The following BTBD18 variants were observed in gnomAD, a reference collection of about 807,000 sequenced individuals.
The protein encoded by BTBD18 is BTB/POZ domain-containing protein 18.
For missense variants in BTBD18, 787 were observed against 846.3 expected (o/e 0.93, Z 0.87); for synonymous variants, 311 against 324.4 (o/e 0.96, Z 0.44).
In BTBD18 at chr11:57,744,911, C is replaced by T; in HGVS notation, c.1362G>A (p.Glu454=). 1 of 1,551,544 alleles carries T rather than the reference C, an allele frequency of 6.4e-7. No individual in the cohort carries two copies. Among genetic ancestry groups the T allele is most frequent in the South Asian group, 1.2e-5 (1 of 84,022 alleles). The change falls in exon 3 of 3, where the codon GAG becomes GAA. Residue 454 remains glutamate, a synonymous_variant. Transcript: ENST00000422652. ...AGTCAATAGCCAACATAGGTTCCTT[C>T]TCTACCAGTTCTGGACTGGACTCAA... ...SEFESSPELV[E]KEPMLAIDCR... is the part of the protein sequence containing the mutation.
intron 2 of BTBD18, 69 bp from the exon 3 acceptor site, chr11:57,746,217 A>G (rs187442467): frequency 1.6e-6 from 2 of 1,241,688 alleles, no homozygotes; most frequent in Admixed American, 5.6e-5. Flanking sequence ...CATAGACATT[A>G]CTACCCAAAT....
rs972419187 is a variant in BTBD18 at position 57,743,854 on chromosome 11, A to T, written c.*280T>A. 5 of 324,198 alleles carry T rather than the reference A, an allele frequency of 1.5e-5. No homozygotes were observed. Among genetic ancestry groups the T allele is most frequent in the Non-Finnish European group, 2.3e-5 (4 of 174,530 alleles). 20.1% of individuals were successfully genotyped at this position (324,198 alleles called of 1,614,324 possible). ...AGAGATCTGGCCTTGGCTGTTACCT[A>T]TGACCCACCAGAATTGGGGAGCACA... On this transcript the variant is annotated 3_prime_UTR_variant, in exon 3 of 3. Coordinates refer to ENST00000422652, the MANE Select transcript of BTBD18 (RefSeq NM_001145101.3).
rs1949168574 is a variant in BTBD18 at position 57,745,321 on chromosome 11, T to C, written c.952A>G (p.Ser318Gly). ...GGGTTTGGGGTGCTCTGCAGAGGAC[T>C]AGCTCTGCCTGGTTTTGGCTTGTCC... is the stretch of plus-strand genomic sequence containing the variant. ...PEDKPKPGRASPLQSTPNPSG... is the reference protein window; with the variant it reads ...PEDKPKPGRAGPLQSTPNPSG... Residue 318 changes from serine to glycine, a missense_variant, in exon 3 of 3, where the codon AGT becomes GGT. By Grantham distance (56) the Ser-to-Gly change is moderately conservative. Coordinates refer to ENST00000422652, the MANE Select transcript of BTBD18 (RefSeq NM_001145101.3). 1.3e-6 allele frequency: 2 copies of C among 1,551,712 alleles called. No homozygotes were observed. The highest frequency in any genetic ancestry group is 1.7e-6 in the Non-Finnish European group (2 of 1,146,966).
chr11:57,750,292 G>A (rs867680498), intron 2 of BTBD18, among the ~76,000 whole-genome samples: 6 of 152,296 alleles, frequency 3.9e-5, no homozygotes, highest in South Asian at 2.1e-4. Context: ...CGGCAGAATC[G>A]CTTGAACGCG....
At position 57,745,785 on chromosome 11, in the gene BTBD18, G is replaced by T; in HGVS notation, c.488C>A (p.Pro163His). ...SARVVTPSHH[P>H]HTPLPTNQTP... ...TTGATTAGTGGGCAGTGGGGTGTGA[G>T]GGTGGTGGCTGGGTGTCACCACTCT... The change falls in exon 3 of 3, where the codon CCT becomes CAT. Residue 163 changes from proline to histidine, a missense_variant. Physicochemically the swap from Pro to His is moderately conservative, Grantham distance 77. Transcript: ENST00000422652. 6.4e-7 allele frequency: 1 copy of T among 1,551,646 alleles called. No individual in the cohort carries two copies. Among genetic ancestry groups the T allele is most frequent in the Non-Finnish European group, 8.7e-7 (1 of 1,146,990 alleles).
intron 2 of BTBD18, among the ~76,000 whole-genome samples, chr11:57,746,805 C>CAAAAAA (rs35274578): frequency 1.0e-5 from 1 of 95,510 alleles, no homozygotes; most frequent in Non-Finnish European, 2.0e-5. Context: ...ACCTTGTCTC[C>CAAAAAA]AAAAAAAAAA....
rs955459777 is a variant in BTBD18 at position 57,744,982 on chromosome 11, C to A, written c.1291G>T (p.Val431Phe). ...PMCTKLQDIL[V>F]SASHSPDHPV... ...TGGTCTGGGGAGTGGCTAGCAGAGA[C>A]CAGAATGTCTTGTAGCTTAGTGCAC... is the stretch of plus-strand genomic sequence containing the variant. Residue 431 changes from valine to phenylalanine, a missense_variant, in exon 3 of 3, where the codon GTC (valine) becomes TTC (phenylalanine). Coordinates refer to ENST00000422652, the MANE Select transcript of BTBD18 (RefSeq NM_001145101.3). The A allele has an allele frequency of 6.4e-6, 10 of 1,551,644 alleles. No individual in the cohort carries two copies. In the East Asian group the frequency reaches 1.2e-4, roughly 19 times the overall value.
At position 57,743,862 on chromosome 11, in the gene BTBD18, C is replaced by G. The variant is rs969326263; in HGVS notation, c.*272G>C. The G allele has an allele frequency of 1.2e-5, 4 of 335,832 alleles. No homozygotes were observed. The highest frequency in any genetic ancestry group is 4.4e-5 in the Admixed American group (1 of 22,688). The allele number at this position is 335,832 out of a possible 1,614,324, so 20.8% of individuals were successfully genotyped here. On this transcript the variant is annotated 3_prime_UTR_variant, in exon 3 of 3. Transcript: ENST00000422652. ...GGCCTTGGCTGTTACCTATGACCCACCAGAATTGGGGAGCACACAGTTTGT... is the reference window on the plus strand; with the variant it reads ...GGCCTTGGCTGTTACCTATGACCCAGCAGAATTGGGGAGCACACAGTTTGT...
chr11:57,746,662 C>A (rs1009394572), intron 2 of BTBD18, among the ~76,000 whole-genome samples: 1 of 152,042 alleles, frequency 6.6e-6, no homozygotes, highest in Non-Finnish European at 1.5e-5. Flanking sequence ...CTACCTTTGT[C>A]ATCACTTCCT....
In BTBD18 at chr11:57,746,077, C is replaced by T. The variant is rs912431228; in HGVS notation, c.196G>A (p.Glu66Lys). The T allele has an allele frequency of 6.4e-6, 10 of 1,551,474 alleles. 1 individual carries two copies. In the East Asian group the frequency reaches 7.3e-5, roughly 11 times the overall value. ...ACCTTCCCACCCTGAGCTGGCCTCT[C>T]CCGCTCCAGGCGCTCTGTGAAGAAG... ...SPFFTERLER[E>K]RPAQGGKVVL... Residue 66 changes from glutamate (E) to lysine (K), a missense_variant, in exon 3 of 3, where the codon GAG becomes AAG. Glu to Lys is a moderately conservative substitution (Grantham distance 56). Transcript: ENST00000422652.
chr11:57,746,137 G>C lies in BTBD18; in HGVS notation c.136C>G (p.Pro46Ala), dbSNP rs1201972326. ...VLLQAEGEAVPAHCCILSACS... is the reference protein window; with the variant it reads ...VLLQAEGEAVAAHCCILSACS... Reference sequence around the variant, plus strand: ...GCTGACAGGATGCAGCAGTGAGCTGGAACTGCCTCACCTGAAGGGAAACCC... The same window carrying C: ...GCTGACAGGATGCAGCAGTGAGCTGCAACTGCCTCACCTGAAGGGAAACCC... Residue 46 changes from proline to alanine, a missense_variant, in exon 3 of 3, where the codon CCA becomes GCA. By Grantham distance (27) the Pro-to-Ala change is conservative (BLOSUM62 -1). Coordinates refer to ENST00000422652, the MANE Select transcript of BTBD18 (RefSeq NM_001145101.3). 1 of 1,545,502 alleles carries C rather than the reference G, an allele frequency of 6.5e-7. No individual in the cohort carries two copies. Among genetic ancestry groups the C allele is most frequent in the Admixed American group, 2.0e-5 (1 of 49,944 alleles).
At position 57,744,011 on chromosome 11, in the gene BTBD18, CAA is replaced by C; in HGVS notation, c.*121_*122del. ...CTTAGGGAAGGGAGGAAGGGACCTA[CAA>C]AGAGCCAGGGTACACCTGCCTCTTG... On this transcript the variant is annotated 3_prime_UTR_variant, in exon 3 of 3. Transcript: ENST00000422652. The C allele has an allele frequency of 1.5e-6, 1 of 682,760 alleles. No individual in the cohort carries two copies. Among genetic ancestry groups the C allele is most frequent in the Non-Finnish European group, 2.4e-6 (1 of 409,832 alleles). The allele number at this position is 682,760 out of a possible 1,614,324, so 42.3% of individuals were successfully genotyped here. A position where few individuals can be genotyped will look rare whatever the true frequency, so the allele number is the denominator to read the frequency against.
At chr11:57,746,931 A>C (rs1949207479) in intron 2 of BTBD18, among the ~76,000 whole-genome samples, 1 of 152,028 alleles carries the variant, frequency 6.6e-6, no homozygotes, top group Non-Finnish European at 1.5e-5. Context: ...CATCTCCTTC[A>C]CTAGGCTGTA....
In BTBD18 at chr11:57,744,701, C is replaced by T. The variant is rs920611068; in HGVS notation, c.1572G>A (p.Thr524=). Reference sequence around the variant, plus strand: ...CTGTTTCTGTCAGATGGTAGGTAGGCGTTCTGCAGCCCTCAGCCCCTGGAC... The same window carrying T: ...CTGTTTCTGTCAGATGGTAGGTAGGTGTTCTGCAGCCCTCAGCCCCTGGAC... ...LESPGAEGCR[T]PTYHLTETGK... is the part of the protein sequence containing the mutation. The change falls in exon 3 of 3, where the codon ACG becomes ACA. Residue 524 remains threonine, a synonymous_variant. Coordinates refer to ENST00000422652, the MANE Select transcript of BTBD18 (RefSeq NM_001145101.3). 3.9e-5 allele frequency: 60 copies of T among 1,551,572 alleles called. No individual in the cohort carries two copies. The highest frequency in any genetic ancestry group is 5.5e-5 in the African/African-American group (4 of 73,026).
chr11:57,751,538 T>G lies in BTBD18; in HGVS notation c.-49+3A>C. 3.7e-5 allele frequency: 6 copies of G among 161,720 alleles called. No individual in the cohort carries two copies. Among genetic ancestry groups the G allele is most frequent in the Non-Finnish European group, 5.4e-5 (4 of 74,544 alleles). The allele number at this position is 161,720 out of a possible 1,614,324, so 10.0% of individuals were successfully genotyped here. On this transcript the variant is annotated splice_donor_region_variant and intron_variant, in intron 1 of 2. Transcript: ENST00000422652. ...ATCCATGAAATAGAATAATAGTACTTACCTTGTAGGGTTGTTTTAAAGATT... is the reference window on the plus strand; with the variant it reads ...ATCCATGAAATAGAATAATAGTACTGACCTTGTAGGGTTGTTTTAAAGATT...
Position 57,745,129 on chromosome 11 carries a change from C to G in BTBD18, c.1144G>C (p.Asp382His). 2 of 1,551,670 alleles carry G rather than the reference C, an allele frequency of 1.3e-6. No homozygotes were observed. Among genetic ancestry groups the G allele is most frequent in the Non-Finnish European group, 1.7e-6 (2 of 1,146,998 alleles). ...VQETPLKNTQDSPQIPDPGGD... is the reference protein window; with the variant it reads ...VQETPLKNTQHSPQIPDPGGD... ...CCGGGATCTGGGATCTGGGGGCTAT[C>G]TTGAGTGTTTTTGAGAGGAGTCTCT... The change falls in exon 3 of 3, where the codon GAT becomes CAT. Residue 382 changes from aspartate (D) to histidine (H), a missense_variant. By Grantham distance (81) the Asp-to-His change is moderately conservative. Coordinates refer to ENST00000422652, the MANE Select transcript of BTBD18 (RefSeq NM_001145101.3).
upstream of BTBD18, among the ~76,000 whole-genome samples, chr11:57,752,641 C>G (rs912347960): frequency 6.6e-6 from 1 of 152,216 alleles, no homozygotes; most frequent in African/African-American, 2.4e-5. Flanking sequence ...GCCTCCAGAC[C>G]CAACTTGAAA....
At chr11:57,752,322 G>C (rs531394550), upstream of BTBD18, among the ~76,000 whole-genome samples, 1 of 152,304 alleles carries the variant, frequency 6.6e-6, no homozygotes, top group South Asian at 2.1e-4. Context: ...ATCACCTGAG[G>C]TTAGGAGTTT....
At position 57,746,106 on chromosome 11, in the gene BTBD18, C is replaced by G; in HGVS notation, c.167G>C (p.Ser56Thr). 1 of 1,550,924 alleles carries G rather than the reference C, an allele frequency of 6.4e-7. No individual in the cohort carries two copies. Residue 56 changes from serine (S) to threonine (T), a missense_variant, in exon 3 of 3, where the codon AGC (serine) becomes ACC (threonine). Ser to Thr is a moderately conservative substitution (Grantham distance 58). Transcript: ENST00000422652. ...PAHCCILSAC[S>T]PFFTERLERE... ...CTCCAGGCGCTCTGTGAAGAAGGGG[C>G]TACAAGCTGACAGGATGCAGCAGTG... is the stretch of plus-strand genomic sequence containing the variant.
Sources: allele counts gnomAD v4.1 joint callset (sites outside exome capture counted in the v4.1 genomes callset), GRCh38; gene constraint gnomAD v4.1.1; transcripts MANE v1.5; gene names NCBI Gene and HGNC (gene_info 2026-07-23, HGNC 2026-07-21).